Variants in ANK3 observed in about 807,000 individuals in gnomAD.
ANK3 encodes ankyrin-3.
Under a neutral mutation model 370.9 loss-of-function variants are expected in ANK3, and 57 were observed. That is an observed-to-expected ratio of 0.15 (90% CI 0.12 to 0.19). The LOEUF (loss-of-function observed/expected upper bound fraction) is 0.19, where lower values mean the gene tolerates loss of function less well. Ranked by LOEUF, ANK3 falls within the 10% of genes least tolerant of loss-of-function variation. The pLI is 1.00. For missense variants in ANK3, 4,439 were observed against 5,302.1 expected, an observed-to-expected ratio of 0.84 and a Z score of 5.06; for synonymous variants, 1,929 against 1,946.3, an observed-to-expected ratio of 0.99 and a Z score of 0.23.
chr10:60,430,380 G>A (rs2063989088), intron 2 of ANK3, among the ~76,000 whole-genome samples: 1 of 152,146 alleles, frequency 6.6e-6, no homozygotes, highest in African/African-American at 2.4e-5. Context: ...CTAGAATGAG[G>A]TGGTATCGGT....
intron 2 of ANK3, among the ~76,000 whole-genome samples, chr10:60,434,019 T>G (rs2064096750): frequency 6.6e-6 from 1 of 152,214 alleles, no homozygotes; most frequent in Admixed American, 6.5e-5. Flanking sequence ...TTATTACTCA[T>G]TAGCCTTAAA....
chr10:60,103,361 A>G (rs2091644366), intron 28 of ANK3, among the ~76,000 whole-genome samples: 1 of 152,218 alleles, frequency 6.6e-6, no homozygotes, highest in African/African-American at 2.4e-5. Context: ...GGAGGGGAAC[A>G]GAGAGGATAA....
chr10:60,433,405 C>T (rs902484552), intron 2 of ANK3, among the ~76,000 whole-genome samples: 4 of 152,130 alleles, frequency 2.6e-5, no homozygotes, highest in Non-Finnish European at 5.9e-5. Flanking sequence ...GCCTGGCCAA[C>T]GTGGTGAAAC....
chr10:60,090,973 C>T (rs1357491603), intron 28 of ANK3, among the ~76,000 whole-genome samples: 2 of 152,178 alleles, frequency 1.3e-5, no homozygotes, highest in East Asian at 1.9e-4. Flanking sequence ...GGCACGATCT[C>T]GGCTCACTGC....
At chr10:60,038,072 T>C (rs1488258819) in intron 43 of ANK3, among the ~76,000 whole-genome samples, 1 of 152,218 alleles carries the variant, frequency 6.6e-6, no homozygotes, top group East Asian at 1.9e-4. Context: ...TTCATATGCT[T>C]GTTGGCCACA....
rs759083265 is a variant in ANK3, at chr10:60,072,234, T to C, written c.8647A>G (p.Ile2883Val). The change falls in exon 37 of 44, where the codon ATT becomes GTT. Residue 2883 changes from isoleucine to valine, a missense_variant. By Grantham distance (29) the Ile-to-Val change is conservative. Coordinates refer to ENST00000280772, the MANE Select transcript of ANK3 (RefSeq NM_020987.5). ...ACACTTTTACTCTCAGGGTGACCAA[T>C]GTGATTCTCTCTTACATCATGAACA... is the stretch of plus-strand genomic sequence containing the variant. ...VLVHDVRENH[I>V]GHPESKSVDQ... 6.2e-7 allele frequency: 1 copy of C among 1,614,026 alleles called. No homozygotes were observed. The highest frequency in any genetic ancestry group is 8.5e-7 in the Non-Finnish European group (1 of 1,179,990).
intron 2 of ANK3, among the ~76,000 whole-genome samples, chr10:60,526,736 T>A (rs1048498505): frequency 6.6e-6 from 1 of 152,166 alleles, no homozygotes; most frequent in Non-Finnish European, 1.5e-5. Flanking sequence ...ATGGTATATT[T>A]AGAAAAAGAC....
In ANK3 at chr10:60,716,785, G is replaced by T. The variant is rs1233042041; in HGVS notation, c.57+16478C>A. On this transcript the variant is annotated intron_variant, in intron 1 of 43. Transcript: ENST00000373827. Reference sequence around the variant, plus strand: ...CCTGCCTTGGCCTCCCAAAGTGGTGGGATTACAGGCATGAACCACTGTGCC... The same window carrying T: ...CCTGCCTTGGCCTCCCAAAGTGGTGTGATTACAGGCATGAACCACTGTGCC... 2.0e-5 allele frequency among the ~76,000 whole-genome samples: 3 copies of T among 152,102 alleles called. No homozygotes were observed. The East Asian group carries it at 5.8e-4, about 29-fold the overall frequency.
rs1300570360 is a variant in ANK3, at chr10:60,698,663, A to G, written c.57+34600T>C. Among the ~76,000 whole-genome samples the G allele has an allele frequency of 1.0e-4, 15 of 145,294 alleles. 1 individual carries two copies. The East Asian group carries it at 2.1e-3, about 20-fold the overall frequency. ...AAACTATCGCAAGAACAAAAAACCA[A>G]ACACCGCATATTCTCACTCATAGGT... On this transcript the variant is annotated intron_variant, in intron 1 of 43. Coordinates refer to the ANK3 transcript ENST00000373827.
intron 2 of ANK3, among the ~76,000 whole-genome samples, chr10:60,461,246 T>C (rs901828100): frequency 1.3e-5 from 2 of 152,144 alleles, no homozygotes; most frequent in Admixed American, 6.6e-5. Flanking sequence ...AGAGAAAAAC[T>C]CTTTTCTCAA....
chr10:60,583,850 C>T (rs1263514216), intron 2 of ANK3, among the ~76,000 whole-genome samples: 2 of 152,056 alleles, frequency 1.3e-5, no homozygotes, highest in Non-Finnish European at 2.9e-5. Flanking sequence ...TCCCAAAGTG[C>T]TGACATTACA....
At chr10:60,168,610 A>G (rs1267357508) in intron 21 of ANK3, among the ~76,000 whole-genome samples, 1 of 152,098 alleles carries the variant, frequency 6.6e-6, no homozygotes, top group African/African-American at 2.4e-5. Flanking sequence ...TAGGTAAACA[A>G]ATGTGTGCCA....
chr10:60,409,781 C>A (rs112102739), intron 2 of ANK3, among the ~76,000 whole-genome samples: 1,601 of 152,260 alleles, frequency 0.011, 30 homozygotes, highest in African/African-American at 0.037. Flanking sequence ...AAATTCAACT[C>A]TCTGTTTGAT....
chr10:60,628,233 G>A (rs771194141), intron 1 of ANK3, among the ~76,000 whole-genome samples: 5 of 151,968 alleles, frequency 3.3e-5, no homozygotes, highest in South Asian at 2.1e-4. Context: ...ATAGGTGAAC[G>A]TCATTGTTCC....
intron 32 of ANK3, 137 bp downstream of exon 32, chr10:60,084,465 C>T (rs764762168): frequency 2.1e-6 from 1 of 484,046 alleles, no homozygotes; most frequent in South Asian, 5.1e-5. Flanking sequence ...GAGTATTAAT[C>T]TATATCAAAT....
At chr10:60,483,986 A>G (rs1443485410) in intron 2 of ANK3, among the ~76,000 whole-genome samples, 2 of 152,216 alleles carry the variant, frequency 1.3e-5, no homozygotes, top group Non-Finnish European at 2.9e-5. Flanking sequence ...AAGTTAAGAT[A>G]AGGAGCCTGG....
chr10:60,715,354 ATAAAT>A (rs1405392933), intron 1 of ANK3, among the ~76,000 whole-genome samples: 1 of 152,110 alleles, frequency 6.6e-6, no homozygotes, highest in African/African-American at 2.4e-5. Context: ...TCACTGTCAG[ATAAAT>A]TAAAGGAACA....
rs1366255616 is a variant in ANK3 at position 60,349,987 on chromosome 10, C to T, written c.114+39438G>A. On this transcript the variant is annotated intron_variant, in intron 1 of 43. Transcript: ENST00000280772. Reference sequence around the variant, plus strand: ...AGGATACAATGGTGAGAATACACACCTAATAGCTAACATATCCATTTCCTA... The same window carrying T: ...AGGATACAATGGTGAGAATACACACTTAATAGCTAACATATCCATTTCCTA... 2.0e-5 allele frequency among the ~76,000 whole-genome samples: 3 copies of T among 152,154 alleles called. 1 individual carries two copies. The highest frequency in any genetic ancestry group is 7.2e-5 in the African/African-American group (3 of 41,430).
intron 1 of ANK3, among the ~76,000 whole-genome samples, chr10:60,638,452 G>A (rs927997043): frequency 2.0e-5 from 3 of 151,796 alleles, no homozygotes; most frequent in Admixed American, 1.3e-4. Context: ...CCTGTTTAAA[G>A]GAACAAAACA....
Sources: gnomAD v4.1 joint callset for allele counts (sites outside exome capture counted in the v4.1 genomes callset) on GRCh38, gnomAD v4.1.1 for gene constraint, MANE v1.5 for transcripts, NCBI Gene and HGNC (gene_info 2026-07-23, HGNC 2026-07-21) for gene names.